LYN: variants seen among roughly 807,000 people sequenced by gnomAD.
LYN encodes tyrosine-protein kinase Lyn.
LYN carries 12 observed loss-of-function variants against 65.0 expected under a neutral mutation model. The ratio of observed to expected loss-of-function variants is 0.18; its 90% CI spans 0.12 to 0.30. The LOEUF (loss-of-function observed/expected upper bound fraction) is 0.30. LYN is among the 10% of genes least tolerant of loss of function. LYN has a pLI of 1.00. For missense variants in LYN, 380 were observed against 623.2 expected, an observed-to-expected ratio of 0.61 and a Z score of 4.16; for synonymous variants, 222 against 221.2, an observed-to-expected ratio of 1.00 and a Z score of -0.03.
At chr8:56,002,639 T>C (rs2130591143) in intron 12 of LYN, among the ~76,000 whole-genome samples, 2 of 151,048 alleles carry the variant, frequency 1.3e-5, no homozygotes, top group South Asian at 4.2e-4. Flanking sequence ...TAAATTAAAT[T>C]AAATTAAATT....
intron 1 of LYN, among the ~76,000 whole-genome samples, chr8:55,901,688 AC>A (rs1215827934): frequency 6.6e-6 from 1 of 152,026 alleles, no homozygotes; most frequent in Admixed American, 6.6e-5. Flanking sequence ...ACTTCAGGAA[AC>A]CCTACCTGGA....
At chr8:55,950,079 C>G (rs1806898460) in intron 4 of LYN, among the ~76,000 whole-genome samples, 1 of 152,208 alleles carries the variant, frequency 6.6e-6, no homozygotes, top group South Asian at 2.1e-4. Flanking sequence ...CAAAGTTCAT[C>G]CCTGTTGTAG....
At chr8:55,966,679 T>C (rs572601511) in intron 8 of LYN, 36 bp from the exon 9 acceptor site, 260 of 1,597,672 alleles carry the variant, frequency 1.6e-4, no homozygotes, top group Non-Finnish European at 2.1e-4. Flanking sequence ...GATTTTCTGT[T>C]TTATAAAGCA....
intron 1 of LYN, among the ~76,000 whole-genome samples, chr8:55,939,462 A>AAG (rs111951441): frequency 0.025 from 3,737 of 148,282 alleles, 95 homozygotes; most frequent in African/African-American, 0.065. Flanking sequence ...TTCCCAAGAG[A>AAG]AGAGAGAGAG....
chr8:55,923,436 C>A (rs1232257103), intron 1 of LYN, among the ~76,000 whole-genome samples: 1 of 152,208 alleles, frequency 6.6e-6, no homozygotes, highest in Non-Finnish European at 1.5e-5. Context: ...CTTACAGATT[C>A]CCAAATATGC....
chr8:56,001,698 C>A (rs1229863109), intron 12 of LYN, among the ~76,000 whole-genome samples: 1 of 152,164 alleles, frequency 6.6e-6, no homozygotes, highest in Admixed American at 6.5e-5. Context: ...TCCATCTATG[C>A]CTACATCTCT....
chr8:55,933,545 T>A (rs1403755572), intron 1 of LYN, among the ~76,000 whole-genome samples: 1 of 152,236 alleles, frequency 6.6e-6, no homozygotes, highest in Non-Finnish European at 1.5e-5. Context: ...ACTGTCAAGT[T>A]AAAGATTGTA....
chr8:55,953,549 G>A (rs1227368023), intron 7 of LYN, among the ~76,000 whole-genome samples: 2 of 152,086 alleles, frequency 1.3e-5, no homozygotes, highest in Non-Finnish European at 2.9e-5. Context: ...TTTGGAGGCT[G>A]AGGCAGAAGA....
chr8:55,951,738 A>G (rs1806956339), intron 6 of LYN, among the ~76,000 whole-genome samples: 1 of 152,012 alleles, frequency 6.6e-6, no homozygotes, highest in African/African-American at 2.4e-5. Flanking sequence ...TAAAAAAATT[A>G]TCATGAAGAA....
At chr8:55,961,795 A>G (rs1449957476) in intron 8 of LYN, among the ~76,000 whole-genome samples, 1 of 152,216 alleles carries the variant, frequency 6.6e-6, no homozygotes, top group Non-Finnish European at 1.5e-5. Context: ...AATTTCACAA[A>G]TAATTACAAA....
intron 10 of LYN, among the ~76,000 whole-genome samples, chr8:55,976,938 A>T (rs1323814156): frequency 6.6e-6 from 1 of 152,116 alleles, no homozygotes; most frequent in Non-Finnish European, 1.5e-5. Context: ...TAATCCCAGC[A>T]CTTTGGGAGG....
At chr8:55,933,804 T>G (rs1374274204) in intron 1 of LYN, among the ~76,000 whole-genome samples, 1 of 152,246 alleles carries the variant, frequency 6.6e-6, no homozygotes, top group African/African-American at 2.4e-5. Flanking sequence ...CTTGCAATTC[T>G]TTTCTGGAAA....
chr8:55,977,048 G>A (rs1319188370), intron 10 of LYN, among the ~76,000 whole-genome samples: 1 of 152,126 alleles, frequency 6.6e-6, no homozygotes, highest in Non-Finnish European at 1.5e-5. Context: ...AGCCGGGCAT[G>A]GTGGTGTGCG....
intron 12 of LYN, among the ~76,000 whole-genome samples, chr8:56,004,413 C>T (rs998326355): frequency 2.6e-5 from 4 of 151,522 alleles, no homozygotes; most frequent in African/African-American, 9.7e-5. Context: ...CCTGCCTCAG[C>T]CTCCTGAGTT....
At chr8:55,975,042 G>T (rs1339707463) in intron 10 of LYN, among the ~76,000 whole-genome samples, 1 of 152,132 alleles carries the variant, frequency 6.6e-6, no homozygotes, top group Non-Finnish European at 1.5e-5. Context: ...AGCACAAGAG[G>T]CTCCTTAGAG....
At chr8:55,976,590 C>T (rs1563321226) in intron 10 of LYN, among the ~76,000 whole-genome samples, 1 of 152,076 alleles carries the variant, frequency 6.6e-6, no homozygotes, top group African/African-American at 2.4e-5. Flanking sequence ...CAGGCAAAGA[C>T]AGGGTACAGC....
At chr8:55,895,257 A>C (rs1805062163) in intron 1 of LYN, among the ~76,000 whole-genome samples, 1 of 152,138 alleles carries the variant, frequency 6.6e-6, no homozygotes, top group South Asian at 2.1e-4. Flanking sequence ...TGGAGGGAAT[A>C]TTGGACTAAG....
At chr8:55,963,200 G>T (rs941777114) in intron 8 of LYN, among the ~76,000 whole-genome samples, 7 of 152,236 alleles carry the variant, frequency 4.6e-5, no homozygotes, top group Non-Finnish European at 8.8e-5. Context: ...TTGTGCTGAT[G>T]CAAGCATGCA....
At chr8:55,929,518 G>A (rs1806200500) in intron 1 of LYN, among the ~76,000 whole-genome samples, 1 of 152,184 alleles carries the variant, frequency 6.6e-6, no homozygotes, top group Non-Finnish European at 1.5e-5. Flanking sequence ...GAGTAAGAAA[G>A]CATATTTTGC....
Sources: allele counts gnomAD v4.1 joint callset (sites outside exome capture counted in the v4.1 genomes callset), GRCh38; gene constraint gnomAD v4.1.1; transcripts MANE v1.5; gene names NCBI Gene and HGNC (gene_info 2026-07-23, HGNC 2026-07-21).